The following DST variants were observed in gnomAD, a reference collection of about 807,000 sequenced individuals.
DST encodes the protein bullous pemphigoid antigen.
A neutral mutation model predicts 875.2 loss-of-function variants in DST; 253 were observed. That is an observed-to-expected ratio of 0.29 (90% CI 0.26 to 0.32). The LOEUF (loss-of-function observed/expected upper bound fraction) is 0.32, where lower values mean the gene tolerates loss of function less well. DST is among the 10% of genes least tolerant of loss of function. The pLI is 1.00. For missense variants in DST, 8,287 were observed against 9,111.6 expected (o/e 0.91, Z 3.68); for synonymous variants, 3,124 against 3,197.1 (o/e 0.98, Z 0.77).
chr6:56,813,012 A>C (rs1311933194), intron 4 of DST, among the ~76,000 whole-genome samples: 7 of 152,200 alleles, frequency 4.6e-5, no homozygotes, highest in East Asian at 3.9e-4. Flanking sequence ...AGACTGGATT[A>C]AGAAAATGTG....
chr6:56,782,269 TATTG>T (rs1449904263), intron 4 of DST, among the ~76,000 whole-genome samples: 11 of 152,202 alleles, frequency 7.2e-5, no homozygotes, highest in African/African-American at 2.4e-5. Flanking sequence ...CCTCTTTTTC[TATTG>T]ATTGGACTAG....
intron 72 of DST, among the ~76,000 whole-genome samples, chr6:56,512,986 G>A (rs904659704): frequency 1.3e-5 from 2 of 152,178 alleles, no homozygotes; most frequent in African/African-American, 2.4e-5. Context: ...GAATGGAGGT[G>A]GTGATGGTAT....
chr6:56,554,678 A>G (rs2097376722), intron 60 of DST, among the ~76,000 whole-genome samples: 1 of 152,228 alleles, frequency 6.6e-6, no homozygotes, highest in East Asian at 1.9e-4. Context: ...AAATAAAGGA[A>G]TAAGTCTGAA....
intron 12 of DST, 99 bp from the exon 13 acceptor site, chr6:56,648,788 T>G: frequency 9.6e-7 from 1 of 1,041,726 alleles, no homozygotes; most frequent in Non-Finnish European, 1.4e-6. Context: ...TGTATGTATT[T>G]GAAGCCTGAC....
rs1197012016 is a variant in DST, at chr6:56,468,860, C to G, written c.22569+122G>C. On this transcript the variant is annotated intron_variant, in intron 98 of 103. Transcript: ENST00000680361. ...GCGTTTACAGAAACACCACGCCAACCAACAATGTAGTAGCTAGGGAGACAG... is the reference window on the plus strand; with the variant it reads ...GCGTTTACAGAAACACCACGCCAACGAACAATGTAGTAGCTAGGGAGACAG... 5.4e-6 allele frequency: 4 copies of G among 741,074 alleles called. No individual in the cohort carries two copies. In the East Asian group the frequency reaches 8.7e-5, roughly 16 times the overall value. 45.9% of individuals were successfully genotyped at this position (741,074 alleles called of 1,614,324 possible).
chr6:56,910,575 C>T (rs1355013199), intron 2 of DST, among the ~76,000 whole-genome samples: 1 of 152,168 alleles, frequency 6.6e-6, no homozygotes, highest in African/African-American at 2.4e-5. Context: ...ACCTCCACCA[C>T]CTGGGTTCAA....
At chr6:56,582,329 G>C (rs777839180) in intron 49 of DST, among the ~76,000 whole-genome samples, 1 of 152,122 alleles carries the variant, frequency 6.6e-6, no homozygotes, top group Non-Finnish European at 1.5e-5. Context: ...TGCTGTCCTC[G>C]ACAGTGAGTG....
chr6:56,892,826 G>A (rs1005297860), intron 3 of DST, among the ~76,000 whole-genome samples: 8 of 152,022 alleles, frequency 5.3e-5, no homozygotes, highest in Non-Finnish European at 7.4e-5. Context: ...AATGCCAAAC[G>A]CCAGATGCCA....
intron 90 of DST, among the ~76,000 whole-genome samples, 154 bp downstream of exon 90, chr6:56,481,896 C>T (rs918948231): frequency 4.6e-5 from 7 of 152,024 alleles, no homozygotes; most frequent in Non-Finnish European, 1.0e-4. Flanking sequence ...CATATGTAAG[C>T]AATGTGGACA....
chr6:56,726,762 T>C (rs916864706), intron 5 of DST, among the ~76,000 whole-genome samples: 4 of 152,212 alleles, frequency 2.6e-5, no homozygotes, highest in Non-Finnish European at 4.4e-5. Context: ...TTCTCCATCA[T>C]AGAAGTAATA....
At chr6:56,831,967 C>T (rs957234826) in intron 4 of DST, among the ~76,000 whole-genome samples, 6 of 152,140 alleles carry the variant, frequency 3.9e-5, no homozygotes, top group Admixed American at 3.9e-4. Context: ...ATTCCATTTA[C>T]AGTATTTTAC....
intron 3 of DST, among the ~76,000 whole-genome samples, chr6:56,866,004 T>C (rs1773876098): frequency 6.6e-6 from 1 of 152,266 alleles, no homozygotes; most frequent in East Asian, 1.9e-4. Flanking sequence ...TTGTTTGTTT[T>C]GAGATGGAGT....
At chr6:56,615,428 C>T in intron 36 of DST, 5 of 1,593,296 alleles carry the variant, frequency 3.1e-6, no homozygotes, top group Non-Finnish European at 4.3e-6. Flanking sequence ...AATTCACAGA[C>T]TGCATATGTA....
intron 5 of DST, among the ~76,000 whole-genome samples, chr6:56,719,733 G>C (rs756595949): frequency 5.9e-5 from 9 of 152,210 alleles, no homozygotes; most frequent in Admixed American, 1.3e-4. Flanking sequence ...GTACAAAAGA[G>C]AGAAATTTTA....
chr6:56,564,738 T>C (rs1326064866), intron 55 of DST, among the ~76,000 whole-genome samples: 1 of 152,206 alleles, frequency 6.6e-6, no homozygotes, highest in East Asian at 1.9e-4. Flanking sequence ...TGTTTTGAGA[T>C]ACATTCCATC....
At chr6:56,563,911 C>T (rs1383445975) in intron 55 of DST, among the ~76,000 whole-genome samples, 2 of 152,076 alleles carry the variant, frequency 1.3e-5, no homozygotes, top group African/African-American at 4.8e-5. Context: ...TTTCTGAGGC[C>T]TCTGTTCTGT....
intron 10 of DST, among the ~76,000 whole-genome samples, chr6:56,660,107 A>T (rs1179587964): frequency 6.6e-6 from 1 of 152,226 alleles, no homozygotes; most frequent in Non-Finnish European, 1.5e-5. Context: ...AGAAGGGTTA[A>T]TCATACAGAT....
intron 102 of DST, 153 bp from the exon 103 acceptor site, chr6:56,460,407 G>T (rs1389459535): frequency 8.4e-6 from 5 of 594,386 alleles, no homozygotes; most frequent in South Asian, 4.0e-5. Context: ...AAGGCATGGG[G>T]TTCTCACTTG....
intron 9 of DST, among the ~76,000 whole-genome samples, chr6:56,673,214 C>T (rs1281865562): frequency 1.3e-5 from 2 of 152,088 alleles, no homozygotes; most frequent in African/African-American, 2.4e-5. Flanking sequence ...CACTGCGCTC[C>T]AGCCTGGACA....
Sources: allele counts gnomAD v4.1 joint callset (sites outside exome capture counted in the v4.1 genomes callset), GRCh38; gene constraint gnomAD v4.1.1; transcripts MANE v1.5; gene names NCBI Gene and HGNC (gene_info 2026-07-23, HGNC 2026-07-21).